RTN1: variants seen among roughly 807,000 people sequenced by gnomAD.
RTN1 encodes reticulon 1.
In RTN1, 25 loss-of-function variants were observed where a neutral mutation model predicts 65.5. That is an observed-to-expected ratio of 0.38 (90% confidence interval 0.28 to 0.53). The LOEUF (loss-of-function observed/expected upper bound fraction) is 0.53, where lower values mean the gene tolerates loss of function less well. Among genes scored for constraint, RTN1 ranks in the 20% least tolerant of loss-of-function variants. RTN1 has a pLI of 0.79. For synonymous variants in RTN1, 471 were observed against 447.6 expected (o/e 1.05, Z -0.66); for missense variants, 983 against 1,025.4 (o/e 0.96, Z 0.57).
intron 3 of RTN1, among the ~76,000 whole-genome samples, chr14:59,722,871 C>T (rs1332931896): frequency 1.3e-5 from 2 of 150,978 alleles, no homozygotes; most frequent in Non-Finnish European, 2.9e-5. Context: ...GATCAAAGCT[C>T]ACTGCAGGCC....
chr14:59,639,941 G>T (rs116209677), intron 3 of RTN1, among the ~76,000 whole-genome samples: 2,722 of 152,032 alleles, frequency 0.018, 73 homozygotes, highest in African/African-American at 0.062. Flanking sequence ...CTAATATTTT[G>T]TGTAGAATTT....
At chr14:59,848,371 AT>A (rs1887446173) in intron 1 of RTN1, among the ~76,000 whole-genome samples, 1 of 152,244 alleles carries the variant, frequency 6.6e-6, no homozygotes, top group Non-Finnish European at 1.5e-5. Context: ...AAGGACATTC[AT>A]CCAATTAATT....
At chr14:59,754,264 A>C (rs1197349664) in intron 1 of RTN1, among the ~76,000 whole-genome samples, 1 of 152,220 alleles carries the variant, frequency 6.6e-6, no homozygotes, top group Non-Finnish European at 1.5e-5. Context: ...ACTCATCATG[A>C]GGCAGACAAA....
chr14:59,609,688 C>T (rs1199155329), intron 3 of RTN1, among the ~76,000 whole-genome samples: 2 of 152,088 alleles, frequency 1.3e-5, no homozygotes, highest in Non-Finnish European at 2.9e-5. Flanking sequence ...CGGTCCGGGG[C>T]CTCCAGGTAT....
At chr14:59,854,040 T>G (rs553469738) in intron 1 of RTN1, among the ~76,000 whole-genome samples, 1 of 151,974 alleles carries the variant, frequency 6.6e-6, no homozygotes, top group Admixed American at 6.6e-5. Context: ...AATTTTTGTA[T>G]TTTTAGTAGA....
At chr14:59,802,194 T>C (rs1886559145) in intron 1 of RTN1, among the ~76,000 whole-genome samples, 2 of 152,188 alleles carry the variant, frequency 1.3e-5, no homozygotes, top group Non-Finnish European at 2.9e-5. Context: ...AAAAATGTAA[T>C]TGAAACCTAG....
At chr14:59,788,745 T>C (rs548449063) in intron 1 of RTN1, among the ~76,000 whole-genome samples, 12 of 152,350 alleles carry the variant, frequency 7.9e-5, no homozygotes, top group South Asian at 4.1e-4. Flanking sequence ...TGGGTTACCA[T>C]AGCTTCCTAA....
chr14:59,769,287 G>A (rs1885909357), intron 1 of RTN1, among the ~76,000 whole-genome samples: 1 of 152,158 alleles, frequency 6.6e-6, no homozygotes, highest in Admixed American at 6.5e-5. Flanking sequence ...GATACTATTA[G>A]CATATGCACT....
intron 3 of RTN1, among the ~76,000 whole-genome samples, chr14:59,688,390 C>T (rs1044809367): frequency 6.6e-6 from 1 of 152,206 alleles, no homozygotes; most frequent in Admixed American, 6.5e-5. Context: ...TGGCTGCCCA[C>T]TGGGTTCTCC....
At chr14:59,804,790 T>G (rs1886606725) in intron 1 of RTN1, among the ~76,000 whole-genome samples, 1 of 152,226 alleles carries the variant, frequency 6.6e-6, no homozygotes, top group African/African-American at 2.4e-5. Context: ...TACAAAATGC[T>G]TTAGTGGTCC....
At position 59,790,052 on chromosome 14, in the gene RTN1, C is replaced by T. The variant is rs958099959; in HGVS notation, c.242-43571G>A. Among the ~76,000 whole-genome samples the T allele has an allele frequency of 9.2e-5, 14 of 151,778 alleles. No individual in the cohort carries two copies. Among genetic ancestry groups the T allele is most frequent in the African/African-American group, 2.7e-4 (11 of 41,300 alleles). Reference sequence around the variant, plus strand: ...CCGAGCTAAAGCAATGAATCAAGGGCCAAAATGATATTGTTACCAAAGTGA... The same window carrying T: ...CCGAGCTAAAGCAATGAATCAAGGGTCAAAATGATATTGTTACCAAAGTGA... On this transcript the variant is annotated intron_variant, in intron 1 of 8. Transcript: ENST00000267484. This position sits in a 1 kb window ranked among gnomAD's most constrained non-coding sequence, Gnocchi z 4.1.
rs562384009 is a variant in RTN1, at chr14:59,604,823, C to T, written c.2112+545G>A. 6 of 152,390 alleles carry T rather than the reference C, an allele frequency of 3.9e-5. No homozygotes were observed. In the East Asian group the frequency reaches 9.7e-4, roughly 25 times the overall value. The allele number at this position is 152,390 out of a possible 1,614,324, so 9.4% of individuals were successfully genotyped here. A position where few individuals can be genotyped will look rare whatever the true frequency, so the allele number is the denominator to read the frequency against. On this transcript the variant is annotated intron_variant, in intron 5 of 8. Transcript: ENST00000267484. ...CACCAGGAGGCCAAAGCAACTTATT[C>T]AAAGGAACCCAGCAAATTCAGTGAG...
chr14:59,735,814 T>C (rs976470815), intron 2 of RTN1, among the ~76,000 whole-genome samples: 4 of 151,966 alleles, frequency 2.6e-5, no homozygotes, highest in Non-Finnish European at 5.9e-5. Context: ...CCACTGACAA[T>C]ATTAGACATG....
intron 1 of RTN1, among the ~76,000 whole-genome samples, chr14:59,788,889 T>C (rs1238862919): frequency 1.1e-4 from 17 of 152,166 alleles, no homozygotes; most frequent in Admixed American, 1.1e-3. Context: ...TCAGTTGGTA[T>C]TTATTTAGAG....
intron 8 of RTN1, among the ~76,000 whole-genome samples, chr14:59,599,547 A>G (rs933770831): frequency 5.3e-5 from 8 of 152,166 alleles, no homozygotes; most frequent in Non-Finnish European, 1.0e-4. Flanking sequence ...TATTATTTCA[A>G]TCTTCTAGAA....
At chr14:59,699,232 A>G (rs1884128890) in intron 3 of RTN1, among the ~76,000 whole-genome samples, 1 of 152,100 alleles carries the variant, frequency 6.6e-6, no homozygotes, top group Non-Finnish European at 1.5e-5. Flanking sequence ...TAAAGTGCTT[A>G]CATAATCAAA....
chr14:59,824,572 T>C (rs748465572), intron 1 of RTN1, among the ~76,000 whole-genome samples: 1 of 152,222 alleles, frequency 6.6e-6, no homozygotes, highest in Non-Finnish European at 1.5e-5. Context: ...TCTAGAAATC[T>C]GATTTACAGG....
chr14:59,750,282 A>T lies in RTN1; in HGVS notation c.242-3801T>A, dbSNP rs1469855152. On this transcript the variant is annotated intron_variant, in intron 1 of 8. Coordinates refer to ENST00000267484, the MANE Select transcript of RTN1 (RefSeq NM_021136.3). ...ATATATATAATATCTATAATATATA[A>T]TATATATAATATCTATAATATATAA... 6.8e-4 allele frequency among the ~76,000 whole-genome samples: 20 copies of T among 29,380 alleles called. 1 individual carries two copies. The highest frequency in any genetic ancestry group is 3.6e-3 in the African/African-American group (20 of 5,538). The allele number at this position is 29,380 out of a possible 152,430, so 19.3% of individuals were successfully genotyped here.
chr14:59,758,402 C>A (rs1885682321), intron 1 of RTN1, among the ~76,000 whole-genome samples: 1 of 152,170 alleles, frequency 6.6e-6, no homozygotes, highest in Non-Finnish European at 1.5e-5. Context: ...TCAGCAGGGT[C>A]CCAGCCTGCC....
Sources: gnomAD v4.1 joint callset for allele counts (sites outside exome capture counted in the v4.1 genomes callset) on GRCh38, gnomAD v4.1.1 for gene constraint, Gnocchi (gnomAD v3.1) non-coding constraint, MANE v1.5 for transcripts, NCBI Gene and HGNC (gene_info 2026-07-23, HGNC 2026-07-21) for gene names.